The following VPS13A variants were observed in gnomAD, a reference collection of about 807,000 sequenced individuals.
VPS13A encodes intermembrane lipid transfer protein VPS13A.
VPS13A carries 264 observed loss-of-function variants against 390.9 expected under a neutral mutation model. That is an observed-to-expected ratio of 0.68 (90% CI 0.61 to 0.75). The LOEUF (loss-of-function observed/expected upper bound fraction) is 0.75, where lower values mean the gene tolerates loss of function less well. VPS13A is among the 30% of genes least tolerant of loss of function. The pLI, the probability that VPS13A is intolerant of heterozygous loss-of-function variation, is 0.00. For missense variants in VPS13A, 3,409 were observed against 3,733.9 expected (o/e 0.91, Z 2.27); for synonymous variants, 1,231 against 1,227.1 (o/e 1.00, Z -0.07).
chr9:77,288,582 C>A (rs549263345), intron 31 of VPS13A, among the ~76,000 whole-genome samples: 2 of 152,030 alleles, frequency 1.3e-5, no homozygotes, highest in Non-Finnish European at 2.9e-5. Flanking sequence ...TTTCAGATCC[C>A]TTTCTGTTAC....
At chr9:77,377,089 C>T (rs1355951056) in intron 67 of VPS13A, among the ~76,000 whole-genome samples, 9 of 151,694 alleles carry the variant, frequency 5.9e-5, no homozygotes, top group South Asian at 4.2e-4. Context: ...GAAAATGCAA[C>T]GTCTTTCCAT....
chr9:77,296,877 C>A (rs1323005012), intron 33 of VPS13A, among the ~76,000 whole-genome samples: 1 of 151,904 alleles, frequency 6.6e-6, no homozygotes, highest in Non-Finnish European at 1.5e-5. Context: ...CTTGAGCGAT[C>A]CTCCCTAATT....
At chr9:77,292,417 C>T in intron 31 of VPS13A, among the ~76,000 whole-genome samples, 1 of 151,982 alleles carries the variant, frequency 6.6e-6, no homozygotes. Flanking sequence ...TGTCCTGTGA[C>T]CTCAGATTGC....
At chr9:77,371,928 T>G (rs781509387) in intron 67 of VPS13A, among the ~76,000 whole-genome samples, 8,290 of 144,302 alleles carry the variant, frequency 0.057, 317 homozygotes, top group South Asian at 0.12. Flanking sequence ...TGCGATAGTT[T>G]ACTGAGAATG....
Position 77,180,518 on chromosome 9 carries a change from C to T in VPS13A, c.100+2714C>T, listed in dbSNP as rs369065295. On this transcript the variant is annotated intron_variant, in intron 1 of 71. Coordinates refer to ENST00000360280, the MANE Select transcript of VPS13A (RefSeq NM_033305.3). The stretch of plus-strand genomic sequence containing the variant: ...GTATTCATATCTAAGAAATCTTTTC[C>T]CAACCCAAAGTCAAAGATGTTCTCC... Among the ~76,000 whole-genome samples the T allele has an allele frequency of 4.4e-3, 676 of 152,188 alleles. 14 individuals are homozygous for T. The highest frequency in any genetic ancestry group is 0.043 in the South Asian group (207 of 4,816).
At chr9:77,363,317 T>C (rs2131572230) in intron 59 of VPS13A, among the ~76,000 whole-genome samples, 1 of 152,080 alleles carries the variant, frequency 6.6e-6, no homozygotes, top group South Asian at 2.1e-4. Context: ...TATTTTGTCA[T>C]TCTTTTTCTG....
At chr9:77,318,054 TG>T (rs1489660400) in intron 40 of VPS13A, among the ~76,000 whole-genome samples, 180 bp from the exon 41 acceptor site, 9 of 151,966 alleles carry the variant, frequency 5.9e-5, no homozygotes, top group African/African-American at 2.2e-4. Flanking sequence ...GCAAGATTCA[TG>T]TAAACACATA....
intron 5 of VPS13A, 49 bp downstream of exon 5, chr9:77,206,128 C>G: frequency 8.2e-7 from 1 of 1,219,124 alleles, no homozygotes; most frequent in Non-Finnish European, 1.2e-6. Flanking sequence ...TAGAAAAGAC[C>G]TAAATATTTA....
At chr9:77,191,286 T>TTTC (rs940790037) in intron 1 of VPS13A, among the ~76,000 whole-genome samples, 2 of 150,234 alleles carry the variant, frequency 1.3e-5, no homozygotes, top group African/African-American at 2.4e-5. Flanking sequence ...TTCTTTTCTT[T>TTTC]TTCTTCTTCT....
At chr9:77,411,394 T>TG (rs750502903) in intron 71 of VPS13A, among the ~76,000 whole-genome samples, 7 of 152,076 alleles carry the variant, frequency 4.6e-5, no homozygotes, top group Non-Finnish European at 8.8e-5. Context: ...CCGGGCACAG[T>TG]GGCTCACGCC....
chr9:77,282,482 G>A (rs990489160), intron 29 of VPS13A, among the ~76,000 whole-genome samples: 4 of 152,048 alleles, frequency 2.6e-5, no homozygotes, highest in Middle Eastern at 3.4e-3. Context: ...TTTGTTTATC[G>A]TATATAATAA....
intron 41 of VPS13A, 62 bp from the exon 42 acceptor site, chr9:77,319,510 T>TA: frequency 1.0e-5 from 12 of 1,166,370 alleles, no homozygotes; most frequent in Non-Finnish European, 1.5e-5. Flanking sequence ...ATAACAGGGC[T>TA]AAAAAACATG....
intron 13 of VPS13A, among the ~76,000 whole-genome samples, chr9:77,221,749 C>A (rs1453382700): frequency 6.6e-6 from 1 of 152,026 alleles, no homozygotes; most frequent in Non-Finnish European, 1.5e-5. Flanking sequence ...TTAATGTTTC[C>A]TGTACTCTGT....
chr9:77,339,543 A>G lies in VPS13A; in HGVS notation c.6406A>G (p.Ser2136Gly), dbSNP rs1830709183. ...EGIENSVFTL[S>G]EGHSAQICTA... The stretch of plus-strand genomic sequence containing the variant: ...AATTGAAAATTCGGTTTTTACTCTA[A>G]GTGAAGGACATTCAGCCCAGATTTG... The change falls in exon 48 of 72, where the codon AGT becomes GGT. Residue 2136 changes from serine to glycine, a missense_variant. Coordinates refer to ENST00000360280, the MANE Select transcript of VPS13A (RefSeq NM_033305.3). 6.4e-7 allele frequency: 1 copy of G among 1,561,118 alleles called. No individual in the cohort carries two copies. The highest frequency in any genetic ancestry group is 8.7e-7 in the Non-Finnish European group (1 of 1,152,532).
intron 19 of VPS13A, among the ~76,000 whole-genome samples, chr9:77,240,985 A>G (rs527439110): frequency 3.3e-5 from 5 of 152,126 alleles, no homozygotes; most frequent in Admixed American, 6.5e-5. Flanking sequence ...TGTTGTCGCA[A>G]TTTGGTGTAT....
chr9:77,374,992 C>T (rs1051016607), intron 67 of VPS13A, among the ~76,000 whole-genome samples: 13 of 151,944 alleles, frequency 8.6e-5, no homozygotes, highest in African/African-American at 1.2e-4. Context: ...TTTCTGGTTT[C>T]GGCATTTAGA....
In VPS13A at chr9:77,277,420, A is replaced by G. The variant is rs563297817; in HGVS notation, c.2824+1199A>G. 3.3e-5 allele frequency among the ~76,000 whole-genome samples: 5 copies of G among 152,316 alleles called. No individual in the cohort carries two copies. The South Asian group carries it at 8.3e-4, about 25-fold the overall frequency. ...TACATTTGTTACAACTGATGAACCT[A>G]CACTGACACATCGTAATTACCAAGA... On this transcript the variant is annotated intron_variant, in intron 26 of 71. Transcript: ENST00000360280.
intron 7 of VPS13A, chr9:77,211,647 C>A (rs1360101378): frequency 6.6e-6 from 1 of 152,188 alleles, no homozygotes; most frequent in East Asian, 1.9e-4. Flanking sequence ...AAAAGTTACT[C>A]AAATACTCTC....
At chr9:77,233,358 AT>A (rs1189555135) in intron 17 of VPS13A, among the ~76,000 whole-genome samples, 1 of 149,020 alleles carries the variant, frequency 6.7e-6, no homozygotes, top group Non-Finnish European at 1.5e-5. Context: ...GGCAACTTTG[AT>A]TTTTTTTCAT....
Sources: gnomAD v4.1 joint callset for allele counts (sites outside exome capture counted in the v4.1 genomes callset) on GRCh38, gnomAD v4.1.1 for gene constraint, MANE v1.5 for transcripts, NCBI Gene and HGNC (gene_info 2026-07-23, HGNC 2026-07-21) for gene names.